Variants in NSL1 observed in about 807,000 individuals in gnomAD.
NSL1 encodes kinetochore-associated protein NSL1 homolog.
NSL1 carries 11 observed loss-of-function variants against 25.4 expected under a neutral mutation model. The observed-to-expected ratio is 0.43, with a 90% confidence interval of 0.27 to 0.72. NSL1 has a LOEUF of 0.72. Among genes scored for constraint, NSL1 ranks in the 30% least tolerant of loss-of-function variants. NSL1 has a pLI of 0.19. For synonymous variants in NSL1, 118 were observed against 120.6 expected (o/e 0.98, Z 0.14); for missense variants, 330 against 342.7 (o/e 0.96, Z 0.29).
chr1:212,746,012 A>G (rs1490085991), intron 4 of NSL1, among the ~76,000 whole-genome samples: 1 of 152,176 alleles, frequency 6.6e-6, no homozygotes, highest in Non-Finnish European at 1.5e-5. Context: ...TGAAGGAGTT[A>G]ATAATTAGTA....
chr1:212,754,423 C>T (rs1659203884), intron 4 of NSL1, among the ~76,000 whole-genome samples: 1 of 152,088 alleles, frequency 6.6e-6, no homozygotes, highest in Non-Finnish European at 1.5e-5. Context: ...GACAGCTTCA[C>T]TGTTTGAAAC....
chr1:212,759,597 C>T (rs369128565), intron 4 of NSL1, among the ~76,000 whole-genome samples: 8 of 152,034 alleles, frequency 5.3e-5, no homozygotes, highest in African/African-American at 1.4e-4. Flanking sequence ...TCACATACCC[C>T]CAAGGCCCAA....
intron 4 of NSL1, among the ~76,000 whole-genome samples, chr1:212,748,306 T>C (rs1658903523): frequency 6.6e-6 from 1 of 152,184 alleles, no homozygotes; most frequent in Admixed American, 6.5e-5. Flanking sequence ...AAATAACCAC[T>C]TCAGAAAACT....
chr1:212,738,635 T>A lies in NSL1; in HGVS notation c.619A>T (p.Met207Leu), dbSNP rs1658347912. Residue 207 changes from methionine to leucine, a missense_variant, in exon 6 of 6, where the codon ATG (methionine) becomes TTG (leucine). Met to Leu is a conservative substitution (Grantham distance 15, BLOSUM62 2). Coordinates refer to ENST00000366977, the MANE Select transcript of NSL1 (RefSeq NM_015471.4). ...QGEGFSQVLR[M>L]QPVIHLQRIH... ...CTCTGGAGGTGGATAACAGGCTGCATCCTGAGAACTTGGGAAAATCCCTCT... is the reference window on the plus strand; with the variant it reads ...CTCTGGAGGTGGATAACAGGCTGCAACCTGAGAACTTGGGAAAATCCCTCT... The A allele has an allele frequency of 6.2e-7, 1 of 1,614,168 alleles. No homozygotes were observed. The highest frequency in any genetic ancestry group is 1.1e-5 in the South Asian group (1 of 91,086).
rs1658346462 is a variant in NSL1 at position 212,738,597 on chromosome 1, T to A, written c.657A>T (p.Glu219Asp). The A allele has an allele frequency of 6.2e-7, 1 of 1,614,042 alleles. No homozygotes were observed. Among genetic ancestry groups the A allele is most frequent in the Admixed American group, 1.7e-5 (1 of 59,996 alleles). Residue 219 changes from glutamate (E) to aspartate (D), a missense_variant, in exon 6 of 6, where the codon GAA (glutamate) becomes GAT (aspartate). Transcript: ENST00000366977. Reference protein sequence around the residue: ...PVIHLQRIHQEVFSSCHRKPD... With the variant: ...PVIHLQRIHQDVFSSCHRKPD... ...GTTTCCTATGACAACTGGAAAAGAC[T>A]TCTTGGTGAATCCTCTGGAGGTGGA...
intron 4 of NSL1, among the ~76,000 whole-genome samples, chr1:212,764,843 C>CAAAAAAAAAAAAAAAA (rs3086471): frequency 5.4e-4 from 21 of 38,874 alleles, no homozygotes; most frequent in East Asian, 1.0e-3. Context: ...AAGACTGTCT[C>CAAAAAAAAAAAAAAAA]AAAAAAAAAA....
At position 212,738,024 on chromosome 1, in the gene NSL1, C is replaced by CT. The variant is rs34327678; in HGVS notation, c.*383dup. 4,804 of 876,410 alleles carry CT rather than the reference C, an allele frequency of 5.5e-3. 2 individuals are homozygous for CT. The highest frequency in any genetic ancestry group is 9.4e-3 in the African/African-American group (502 of 53,612). 54.3% of individuals were successfully genotyped at this position (876,410 alleles called of 1,614,324 possible). On this transcript the variant is annotated 3_prime_UTR_variant, in exon 6 of 6. Coordinates refer to ENST00000366977, the MANE Select transcript of NSL1 (RefSeq NM_015471.4). ...GAAAAATCATTATACAGCTCTCTCT[C>CT]TTTTTTTTTTTTTTCCTAGAAAGAT...
In NSL1 at chr1:212,738,062, A is replaced by C. The variant is rs1658310692; in HGVS notation, c.*346T>G. 1 of 1,006,822 alleles carries C rather than the reference A, an allele frequency of 9.9e-7. No homozygotes were observed. Among genetic ancestry groups the C allele is most frequent in the African/African-American group, 1.7e-5 (1 of 57,894 alleles). The allele number at this position is 1,006,822 out of a possible 1,614,324, so 62.4% of individuals were successfully genotyped here. On this transcript the variant is annotated 3_prime_UTR_variant, in exon 6 of 6. Transcript: ENST00000366977. ...TTCCTAGAAAGATGTATACCAGGGA[A>C]ACACAACAGAATTTGTTACTTGTTA...
Position 212,728,880 on chromosome 1 carries a change from G to A in NSL1, c.*9528C>T, listed in dbSNP as rs1011424084. 2 of 985,358 alleles carry A rather than the reference G, an allele frequency of 2.0e-6. No individual in the cohort carries two copies. Among genetic ancestry groups the A allele is most frequent in the Middle Eastern group, 1.0e-3 (2 of 1,914 alleles). 61.0% of individuals were successfully genotyped at this position (985,358 alleles called of 1,614,324 possible). On this transcript the variant is annotated 3_prime_UTR_variant, in exon 6 of 6. Transcript: ENST00000366977. The stretch of plus-strand genomic sequence containing the variant: ...GGCAAGACTGGGAGTGCTGGGGGTG[G>A]GGAGGCCAGAGTCCACCACTCTGGC...
intron 1 of NSL1, among the ~76,000 whole-genome samples, chr1:212,789,649 CAG>C (rs951935469): frequency 2.0e-5 from 3 of 152,192 alleles, no homozygotes; most frequent in Non-Finnish European, 2.9e-5. Context: ...CAGTTTTAAA[CAG>C]AGATACAAAA....
At position 212,782,922 on chromosome 1, in the gene NSL1, G is replaced by C. The variant is rs549121472; in HGVS notation, c.445-496C>G. Among the ~76,000 whole-genome samples the C allele has an allele frequency of 9.2e-5, 14 of 152,276 alleles. No homozygotes were observed. The South Asian group carries it at 2.7e-3, about 29-fold the overall frequency. On this transcript the variant is annotated intron_variant, in intron 3 of 5. Coordinates refer to ENST00000366977, the MANE Select transcript of NSL1 (RefSeq NM_015471.4). ...GAATTACTGGCACAGAATCTACAAT[G>C]CAGGCAAAAAGAAAGAGGAAATTGC...
At chr1:212,762,636 A>G (rs1659628246) in intron 4 of NSL1, among the ~76,000 whole-genome samples, 1 of 152,210 alleles carries the variant, frequency 6.6e-6, no homozygotes. Context: ...AAGTTCCCAG[A>G]GTGTAAGCAG....
At chr1:212,762,340 C>G (rs187186996) in intron 4 of NSL1, among the ~76,000 whole-genome samples, 25 of 148,052 alleles carry the variant, frequency 1.7e-4, no homozygotes, top group African/African-American at 5.3e-4. Context: ...AAGAAGTTTA[C>G]GAATTTGTGT....
Position 212,729,009 on chromosome 1 carries a change from T to A in NSL1, c.*9399A>T. ...GTAAGGAGGATTTCTAAAGAAGCAG[T>A]CATTTGTCAATCTGAAATTTTTTTT... is the stretch of plus-strand genomic sequence containing the variant. On this transcript the variant is annotated 3_prime_UTR_variant, in exon 6 of 6. Transcript: ENST00000366977. 1.0e-6 allele frequency: 1 copy of A among 985,390 alleles called. No homozygotes were observed. Among genetic ancestry groups the A allele is most frequent in the Non-Finnish European group, 1.2e-6 (1 of 829,892 alleles). The allele number at this position is 985,390 out of a possible 1,614,324, so 61.0% of individuals were successfully genotyped here.
Position 212,784,355 on chromosome 1 carries a change from C to A in NSL1, c.444+8G>T. ...ATACTATAACATTTTAAAGGCAAAT[C>A]ATCTTACCAGAATTTCTTGTTTTGC... On this transcript the variant is annotated splice_region_variant and intron_variant, in intron 3 of 5. Coordinates refer to ENST00000366977, the MANE Select transcript of NSL1 (RefSeq NM_015471.4). The A allele has an allele frequency of 1.3e-6, 2 of 1,557,624 alleles. No individual in the cohort carries two copies. The highest frequency in any genetic ancestry group is 1.2e-5 in the South Asian group (1 of 82,146).
At chr1:212,750,851 G>T (rs1659037330) in intron 4 of NSL1, among the ~76,000 whole-genome samples, 1 of 152,120 alleles carries the variant, frequency 6.6e-6, no homozygotes, top group Non-Finnish European at 1.5e-5. Flanking sequence ...TGAGGTGGGA[G>T]GATGGCTTGA....
chr1:212,777,626 T>C (rs900993936), intron 4 of NSL1, among the ~76,000 whole-genome samples: 3 of 152,162 alleles, frequency 2.0e-5, no homozygotes, highest in Non-Finnish European at 1.5e-5. Context: ...ATAAATTAAG[T>C]ATAAAAACAT....
At chr1:212,745,159 A>AATATAT (rs1558041737) in intron 4 of NSL1, among the ~76,000 whole-genome samples, 4 of 75,620 alleles carry the variant, frequency 5.3e-5, no homozygotes, top group African/African-American at 2.1e-4. Flanking sequence ...AAACAAACAA[A>AATATAT]CTATATATAT....
chr1:212,754,517 C>T (rs1659210310), intron 4 of NSL1, among the ~76,000 whole-genome samples: 1 of 152,076 alleles, frequency 6.6e-6, no homozygotes, highest in Non-Finnish European at 1.5e-5. Context: ...TGGCTCACAC[C>T]TGTAATCCCA....
Sources: allele counts gnomAD v4.1 joint callset (sites outside exome capture counted in the v4.1 genomes callset), GRCh38; gene constraint gnomAD v4.1.1; transcripts MANE v1.5; gene names NCBI Gene and HGNC (gene_info 2026-07-23, HGNC 2026-07-21).